SLC36A2: variants seen among roughly 807,000 people sequenced by gnomAD.
SLC36A2 encodes solute carrier family 36 member 2.
In SLC36A2, 39 loss-of-function variants were observed where a neutral mutation model predicts 42.7. That is an observed-to-expected ratio of 0.91 (90% confidence interval 0.71 to 1.19). The LOEUF (loss-of-function observed/expected upper bound fraction) is 1.19. Among genes scored for constraint, SLC36A2 ranks in the 50% most tolerant of loss-of-function variants. The probability of loss-of-function intolerance (pLI) is 0.00; values close to 1 mark genes in which losing one functional copy is unlikely to be tolerated. For missense variants in SLC36A2, 590 were observed against 613.7 expected, an observed-to-expected ratio of 0.96 and a Z score of 0.41; for synonymous variants, 237 against 240.8, an observed-to-expected ratio of 0.98 and a Z score of 0.15.
rs1036383725 is a variant in SLC36A2, at chr5:151,319,201, T to C, written c.1181-2113A>G. 28 of 827,810 alleles carry C rather than the reference T, an allele frequency of 3.4e-5. No homozygotes were observed. The African/African-American group carries it at 4.4e-4, about 13-fold the overall frequency. The allele number at this position is 827,810 out of a possible 1,614,324, so 51.3% of individuals were successfully genotyped here. A position where few individuals can be genotyped will look rare whatever the true frequency, so the allele number is the denominator to read the frequency against. ...TTTGCTATTACTCCAAGTTATTTAC[T>C]CATACATGCTAATTGACAATGCATG... On this transcript the variant is annotated intron_variant, in intron 9 of 9. Coordinates refer to ENST00000335244, the MANE Select transcript of SLC36A2 (RefSeq NM_181776.3).
rs771200860 is a variant in SLC36A2 at position 151,325,301 on chromosome 5, T to C, written c.995A>G (p.Asn332Ser). ...GDDIKASISL[N>S]LPNCWLYQSV... ...ATGAAGATACCAGCAGTTAGGCAGG[T>C]TAAGGCTTATGCTGGCCTTGATGTC... The change falls in exon 8 of 10, where the codon AAC (asparagine) becomes AGC (serine). Residue 332 changes from asparagine (N) to serine (S), a missense_variant. By Grantham distance (46) the Asn-to-Ser change is conservative. Coordinates refer to ENST00000335244, the MANE Select transcript of SLC36A2 (RefSeq NM_181776.3). The C allele has an allele frequency of 6.2e-7, 1 of 1,613,550 alleles. No individual in the cohort carries two copies. Among genetic ancestry groups the C allele is most frequent in the Non-Finnish European group, 8.5e-7 (1 of 1,179,768 alleles).
At position 151,334,846 on chromosome 5, in the gene SLC36A2, C is replaced by T. The variant is rs1455100243; in HGVS notation, c.744+483G>A. On this transcript the variant is annotated intron_variant, in intron 6 of 9. Transcript: ENST00000335244. ...TTATAGTTTTTTTTTAAATTAGTAA[C>T]AAGACACTTATTGAAAGCTTATGGT... Among the ~76,000 whole-genome samples, 3 of 151,702 alleles carry T rather than the reference C, an allele frequency of 2.0e-5. 1 individual carries two copies. Among genetic ancestry groups the T allele is most frequent in the Admixed American group, 6.6e-5 (1 of 15,216 alleles).
intron 9 of SLC36A2, among the ~76,000 whole-genome samples, chr5:151,318,161 G>A (rs955635626): frequency 1.3e-5 from 2 of 152,130 alleles, no homozygotes; most frequent in Non-Finnish European, 2.9e-5. Flanking sequence ...TCTTTCTGCA[G>A]CTTCTTTTTG....
At chr5:151,344,112 A>T (rs1756425866) in intron 2 of SLC36A2, 65 bp downstream of exon 2, 4 of 1,470,864 alleles carry the variant, frequency 2.7e-6, no homozygotes, top group South Asian at 1.2e-5. Context: ...AAACCGCTAG[A>T]GCCTCTCCTC....
chr5:151,316,687 C>A lies in SLC36A2; in HGVS notation c.*130G>T. ...CCCAGGAGGCCGAAGTTGTGGTGAG[C>A]TGAGATCGCATCATTGTACTCCAGT... is the stretch of plus-strand genomic sequence containing the variant. On this transcript the variant is annotated 3_prime_UTR_variant, in exon 10 of 10. Transcript: ENST00000335244. 8.5e-7 allele frequency: 1 copy of A among 1,172,010 alleles called. No individual in the cohort carries two copies. 72.6% of individuals were successfully genotyped at this position (1,172,010 alleles called of 1,614,324 possible). A position where few individuals can be genotyped will look rare whatever the true frequency, so the allele number is the denominator to read the frequency against.
At chr5:151,347,230 AG>A in intron 1 of SLC36A2, 66 bp downstream of exon 1, 1 of 1,593,138 alleles carries the variant, frequency 6.3e-7, no homozygotes, top group South Asian at 1.1e-5. Flanking sequence ...CACCCACCTC[AG>A]GGTTTTTGCC....
intron 4 of SLC36A2, among the ~76,000 whole-genome samples, chr5:151,340,728 T>C (rs1339776882): frequency 6.6e-6 from 1 of 152,202 alleles, no homozygotes; most frequent in Non-Finnish European, 1.5e-5. Context: ...GAAGGTCTTT[T>C]AGGACATTGC....
chr5:151,316,691 G>T lies in SLC36A2; in HGVS notation c.*126C>A. ...GGAGGCCGAAGTTGTGGTGAGCTGA[G>T]ATCGCATCATTGTACTCCAGTCTGG... is the stretch of plus-strand genomic sequence containing the variant. On this transcript the variant is annotated 3_prime_UTR_variant, in exon 10 of 10. Coordinates refer to ENST00000335244, the MANE Select transcript of SLC36A2 (RefSeq NM_181776.3). 8.4e-7 allele frequency: 1 copy of T among 1,197,252 alleles called. No individual in the cohort carries two copies. The highest frequency in any genetic ancestry group is 1.1e-6 in the Non-Finnish European group (1 of 881,834). 74.2% of individuals were successfully genotyped at this position (1,197,252 alleles called of 1,614,324 possible).
At chr5:151,333,202 G>T (rs1327080384) in intron 7 of SLC36A2, 22 bp downstream of exon 7, 2 of 1,599,668 alleles carry the variant, frequency 1.3e-6, no homozygotes, top group Non-Finnish European at 1.7e-6. Flanking sequence ...TAGGGATAAG[G>T]CCACCTCAAT....
Position 151,316,883 on chromosome 5 carries a change from G to A in SLC36A2, c.1386C>T (p.Ala462=), listed in dbSNP as rs1755509934. 1.2e-6 allele frequency: 2 copies of A among 1,614,044 alleles called. No homozygotes were observed. Among genetic ancestry groups the A allele is most frequent in the Admixed American group, 1.7e-5 (1 of 60,002 alleles). ...CTTCTGACTTGAGCAGCTCGTCCAG[G>A]GCCTGGTAGGTCCCCACCACAAAGC... ...FVGFVVGTYQ[A]LDELLKSEDS... Residue 462 remains alanine, a synonymous_variant, in exon 10 of 10, where the codon GCC becomes GCT. Transcript: ENST00000335244.
At chr5:151,336,185 A>G (rs1197067132) in intron 5 of SLC36A2, among the ~76,000 whole-genome samples, 1 of 152,222 alleles carries the variant, frequency 6.6e-6, no homozygotes. Context: ...TGTAAATCAC[A>G]GTCATGTGGC....
rs1755470003 is a variant in SLC36A2 at position 151,315,633 on chromosome 5, A to G, written c.*1184T>C. 1 of 152,416 alleles carries G rather than the reference A, an allele frequency of 6.6e-6. No homozygotes were observed. Among genetic ancestry groups the G allele is most frequent in the Middle Eastern group, 3.4e-3 (1 of 294 alleles). The allele number at this position is 152,416 out of a possible 1,614,324, so 9.4% of individuals were successfully genotyped here. ...CAGAGCGAGACTTCATCTCAAAAAA[A>G]CAAAACACAAAACAAAACCGACAAA... On this transcript the variant is annotated 3_prime_UTR_variant, in exon 10 of 10. Coordinates refer to ENST00000335244, the MANE Select transcript of SLC36A2 (RefSeq NM_181776.3).
chr5:151,324,285 G>T (rs761750831), intron 8 of SLC36A2, among the ~76,000 whole-genome samples: 7 of 151,674 alleles, frequency 4.6e-5, no homozygotes, highest in Non-Finnish European at 7.4e-5. Context: ...TGAGACTATA[G>T]GTGTGTGCCA....
Position 151,346,271 on chromosome 5 carries a change from T to C in SLC36A2, c.164+1026A>G, listed in dbSNP as rs530633947. 3.3e-5 allele frequency among the ~76,000 whole-genome samples: 5 copies of C among 152,274 alleles called. No homozygotes were observed. The South Asian group carries it at 1.0e-3, about 32-fold the overall frequency. ...CTCAGGGTCACTAATACTTAGCAAC[T>C]TCCAGGACTAGCCCTGGGGCGACAG... is the stretch of plus-strand genomic sequence containing the variant. On this transcript the variant is annotated intron_variant, in intron 1 of 9. Coordinates refer to ENST00000335244, the MANE Select transcript of SLC36A2 (RefSeq NM_181776.3).
intron 7 of SLC36A2, among the ~76,000 whole-genome samples, chr5:151,326,037 C>CA (rs1251930745): frequency 6.7e-6 from 1 of 150,118 alleles, no homozygotes; most frequent in African/African-American, 2.5e-5. Context: ...TTCAATTAAA[C>CA]AAAAAAAGGA....
intron 7 of SLC36A2, among the ~76,000 whole-genome samples, chr5:151,332,733 A>G (rs1295698062): frequency 1.3e-5 from 2 of 152,210 alleles, no homozygotes; most frequent in Middle Eastern, 3.2e-3. Flanking sequence ...ATTCCTCTAC[A>G]TGCTTCTTGA....
At chr5:151,330,353 G>T (rs770293067) in intron 7 of SLC36A2, among the ~76,000 whole-genome samples, 33 of 152,116 alleles carry the variant, frequency 2.2e-4, no homozygotes, top group Non-Finnish European at 2.9e-5. Flanking sequence ...AACAATTGCA[G>T]ATTTCTCATC....
At position 151,316,648 on chromosome 5, in the gene SLC36A2, G is replaced by C; in HGVS notation, c.*169C>G. Reference sequence around the variant, plus strand: ...CCAACTACTCGGGAGGCTGAGGCAGGAGAATCGCTTGAACCCAGGAGGCCG... The same window carrying C: ...CCAACTACTCGGGAGGCTGAGGCAGCAGAATCGCTTGAACCCAGGAGGCCG... On this transcript the variant is annotated 3_prime_UTR_variant, in exon 10 of 10. Coordinates refer to ENST00000335244, the MANE Select transcript of SLC36A2 (RefSeq NM_181776.3). The C allele has an allele frequency of 1.3e-6, 1 of 774,146 alleles. No individual in the cohort carries two copies. Among genetic ancestry groups the C allele is most frequent in the South Asian group, 1.9e-5 (1 of 53,274 alleles). 48.0% of individuals were successfully genotyped at this position (774,146 alleles called of 1,614,324 possible).
At chr5:151,318,664 T>G (rs2127282534) in intron 9 of SLC36A2, among the ~76,000 whole-genome samples, 1 of 149,488 alleles carries the variant, frequency 6.7e-6, no homozygotes, top group Non-Finnish European at 1.5e-5. Context: ...TAATAAATAA[T>G]TAACATGAGT....
Sources: gnomAD v4.1 joint callset for allele counts (sites outside exome capture counted in the v4.1 genomes callset) on GRCh38, gnomAD v4.1.1 for gene constraint, MANE v1.5 for transcripts, NCBI Gene and HGNC (gene_info 2026-07-23, HGNC 2026-07-21) for gene names.